Variants in PADI3 observed in about 807,000 individuals in gnomAD.
PADI3 encodes the protein protein-arginine deiminase type-3.
PADI3 carries 53 observed loss-of-function variants against 71.5 expected under a neutral mutation model. That is an observed-to-expected ratio of 0.74 (90% CI 0.59 to 0.93). The LOEUF (loss-of-function observed/expected upper bound fraction) is 0.93, where lower values mean the gene tolerates loss of function less well. PADI3 is among the 40% of genes least tolerant of loss of function. The pLI, the probability that PADI3 is intolerant of heterozygous loss-of-function variation, is 0.00. For synonymous variants in PADI3, 361 were observed against 347.5 expected (o/e 1.04, Z -0.43); for missense variants, 821 against 868.0 (o/e 0.95, Z 0.68).
chr1:17,259,795 A>T, intron 2 of PADI3, 37 bp downstream of exon 2: 1 of 1,554,456 alleles, frequency 6.4e-7, no homozygotes, highest in East Asian at 2.3e-5. Context: ...AGAGGTTTCG[A>T]GGGAGGCAGC....
chr1:17,249,268 G>A, intron 1 of PADI3, 39 bp downstream of exon 1: 1 of 1,516,022 alleles, frequency 6.6e-7, no homozygotes, highest in Non-Finnish European at 9.2e-7. Flanking sequence ...GGCCCTTGGT[G>A]CTGATGCCCT....
Position 17,283,298 on chromosome 1 carries a change from A to C in PADI3, c.*219A>C. On this transcript the variant is annotated 3_prime_UTR_variant, in exon 16 of 16. Coordinates refer to ENST00000375460, the MANE Select transcript of PADI3 (RefSeq NM_016233.2). ...ACTTGAATCTTCTCGGCCCCCCAAA[A>C]AGAAGGACCTCATTTCTTATAGCCT... 3 of 543,874 alleles carry C rather than the reference A, an allele frequency of 5.5e-6. No individual in the cohort carries two copies. The highest frequency in any genetic ancestry group is 6.6e-6 in the Non-Finnish European group (2 of 303,464). 33.7% of individuals were successfully genotyped at this position (543,874 alleles called of 1,614,324 possible).
intron 1 of PADI3, among the ~76,000 whole-genome samples, chr1:17,249,507 A>T (rs913870287): frequency 1.3e-5 from 2 of 152,148 alleles, no homozygotes; most frequent in Non-Finnish European, 2.9e-5. Flanking sequence ...CCGCGAAGAG[A>T]TGGCACTTTT....
At chr1:17,273,685 A>T (rs1336986441) in intron 10 of PADI3, among the ~76,000 whole-genome samples, 2 of 152,200 alleles carry the variant, frequency 1.3e-5, no homozygotes, top group Non-Finnish European at 2.9e-5. Flanking sequence ...ACACTAAAAA[A>T]GTTGTCGTTT....
At chr1:17,272,850 G>A (rs149478739) in intron 9 of PADI3, among the ~76,000 whole-genome samples, 256 of 152,314 alleles carry the variant, frequency 1.7e-3, no homozygotes, top group African/African-American at 5.8e-3. Context: ...TGTCACATGG[G>A]ATAATTATGG....
At chr1:17,266,029 G>A (rs72646776) in intron 4 of PADI3, among the ~76,000 whole-genome samples, 12,583 of 152,260 alleles carry the variant, frequency 0.083, 611 homozygotes, top group Non-Finnish European at 0.1. Flanking sequence ...CACATAGCAA[G>A]TATTTTAGGC....
chr1:17,265,735 C>G lies in PADI3; in HGVS notation c.408+15C>G. Reference sequence around the variant, plus strand: ...TTGTAGACAAGGTAAGCATCTCTGCCTGGGCCCAGGAAGCAGGAGTGCAGT... The same window carrying G: ...TTGTAGACAAGGTAAGCATCTCTGCGTGGGCCCAGGAAGCAGGAGTGCAGT... On this transcript the variant is annotated intron_variant, in intron 4 of 15. Transcript: ENST00000375460. 1 of 1,613,202 alleles carries G rather than the reference C, an allele frequency of 6.2e-7. No homozygotes were observed. Among genetic ancestry groups the G allele is most frequent in the African/African-American group, 1.3e-5 (1 of 74,994 alleles).
rs543716225 is a variant in PADI3, at chr1:17,276,132, C to T, written c.1308-387C>T. ...GGCAGATCACTTGAGGTCAGGAGTT[C>T]GAGACCAGCCTGGCCAACATGGTGA... On this transcript the variant is annotated intron_variant, in intron 11 of 15. Transcript: ENST00000375460. Among the ~76,000 whole-genome samples, 59 of 152,154 alleles carry T rather than the reference C, an allele frequency of 3.9e-4. 2 individuals carry two copies. The highest frequency in any genetic ancestry group is 1.3e-3 in the African/African-American group (56 of 41,510).
chr1:17,269,220 G>A (rs1475831072), intron 6 of PADI3, among the ~76,000 whole-genome samples: 1 of 152,206 alleles, frequency 6.6e-6, no homozygotes, highest in African/African-American at 2.4e-5. Context: ...GTTGGGATGT[G>A]TGCTTCCCAA....
At chr1:17,270,185 T>C in intron 6 of PADI3, 48 bp from the exon 7 acceptor site, 1 of 1,563,604 alleles carries the variant, frequency 6.4e-7, no homozygotes, top group Non-Finnish European at 8.7e-7. Context: ...ATACTCATGC[T>C]CCCTGGGCCC....
chr1:17,252,739 G>A (rs1254284601), intron 1 of PADI3, among the ~76,000 whole-genome samples: 2 of 152,162 alleles, frequency 1.3e-5, no homozygotes, highest in South Asian at 2.1e-4. Flanking sequence ...CAAAATCCCA[G>A]GATGACCTCT....
At chr1:17,277,678 T>C (rs1169397082) in intron 13 of PADI3, among the ~76,000 whole-genome samples, 5 of 152,238 alleles carry the variant, frequency 3.3e-5, no homozygotes, top group Non-Finnish European at 7.3e-5. Context: ...TCTCTGTCAC[T>C]GTCCTGAGAT....
At position 17,270,956 on chromosome 1, in the gene PADI3, G is replaced by A. The variant is rs1239111649; in HGVS notation, c.909G>A (p.Leu303=). ...CCTGGATCATGACGCCCAGCACTCT[G>A]CCACCCCTAGAGGTGTATGTGTGCC... is the stretch of plus-strand genomic sequence containing the variant. ...VAPWIMTPST[L]PPLEVYVCRV... The change falls in exon 8 of 16, where the codon CTG becomes CTA. Residue 303 remains leucine (L), a synonymous_variant. Coordinates refer to ENST00000375460, the MANE Select transcript of PADI3 (RefSeq NM_016233.2). 1 of 1,614,046 alleles carries A rather than the reference G, an allele frequency of 6.2e-7. No homozygotes were observed. The highest frequency in any genetic ancestry group is 1.1e-5 in the South Asian group (1 of 91,076).
At chr1:17,255,088 G>A (rs1433551597) in intron 1 of PADI3, among the ~76,000 whole-genome samples, 1 of 152,190 alleles carries the variant, frequency 6.6e-6, no homozygotes, top group Non-Finnish European at 1.5e-5. Context: ...TATCAGAATG[G>A]CTTAAAATGC....
chr1:17,268,807 G>A (rs1014788924), intron 6 of PADI3, among the ~76,000 whole-genome samples: 5 of 151,242 alleles, frequency 3.3e-5, no homozygotes, highest in African/African-American at 9.7e-5. Flanking sequence ...GTGCCTGGCC[G>A]CTTATTTTTT....
intron 3 of PADI3, among the ~76,000 whole-genome samples, 172 bp downstream of exon 3, chr1:17,262,377 A>G (rs915085693): frequency 6.6e-6 from 1 of 152,250 alleles, no homozygotes; most frequent in Non-Finnish European, 1.5e-5. Context: ...GAAAGCACAT[A>G]CATACCTGTA....
rs575420140 is a variant in PADI3 at position 17,283,542 on chromosome 1, C to T, written c.*463C>T. The T allele has an allele frequency of 6.4e-6, 1 of 157,258 alleles. No individual in the cohort carries two copies. The highest frequency in any genetic ancestry group is 1.4e-5 in the Non-Finnish European group (1 of 71,152). The allele number at this position is 157,258 out of a possible 1,614,324, so 9.7% of individuals were successfully genotyped here. ...TAAAACCAGACCACTCCACGCAGGA[C>T]AGGCAGGAGAGATTCTTCCTAAAGC... On this transcript the variant is annotated 3_prime_UTR_variant, in exon 16 of 16. Coordinates refer to ENST00000375460, the MANE Select transcript of PADI3 (RefSeq NM_016233.2).
In PADI3 at chr1:17,256,579, G is replaced by A. The variant is rs574403633; in HGVS notation, c.93-2999G>A. ...CATCTCACACAGAGCCTGGCACATG[G>A]AGAGGCAGGGGCGCTGGGCTGAAAC... On this transcript the variant is annotated intron_variant, in intron 1 of 15. Coordinates refer to ENST00000375460, the MANE Select transcript of PADI3 (RefSeq NM_016233.2). Among the ~76,000 whole-genome samples, 9 of 152,336 alleles carry A rather than the reference G, an allele frequency of 5.9e-5. No homozygotes were observed. In the South Asian group the frequency reaches 1.4e-3, roughly 25 times the overall value.
chr1:17,259,531 A>G lies in PADI3; in HGVS notation c.93-47A>G, dbSNP rs535785957. The G allele has an allele frequency of 2.6e-6, 4 of 1,512,200 alleles. No individual in the cohort carries two copies. The South Asian group carries it at 5.3e-5, about 20-fold the overall frequency. 93.7% of individuals were successfully genotyped at this position (1,512,200 alleles called of 1,614,324 possible). On this transcript the variant is annotated intron_variant, in intron 1 of 15. Transcript: ENST00000375460. The stretch of plus-strand genomic sequence containing the variant: ...TGAGCCAAAGCTCAAACATCTGAGC[A>G]AAATATATCTCCTTCGGCACCGACC...
Sources: gnomAD v4.1 joint callset for allele counts (sites outside exome capture counted in the v4.1 genomes callset) on GRCh38, gnomAD v4.1.1 for gene constraint, MANE v1.5 for transcripts, NCBI Gene and HGNC (gene_info 2026-07-23, HGNC 2026-07-21) for gene names.